Variants in MEGF10 observed in about 807,000 individuals in gnomAD.
MEGF10 encodes the protein multiple epidermal growth factor-like domains protein 10.
In MEGF10, 86 loss-of-function variants were observed where a neutral mutation model predicts 147.5. The observed-to-expected ratio is 0.58, with a 90% confidence interval of 0.49 to 0.70. The LOEUF (loss-of-function observed/expected upper bound fraction) is 0.70, where lower values mean the gene tolerates loss of function less well. MEGF10 is among the 30% of genes least tolerant of loss of function. MEGF10 has a pLI of 0.00. For missense variants in MEGF10, 1,329 were observed against 1,487.3 expected (o/e 0.89, Z 1.75); for synonymous variants, 478 against 525.5 (o/e 0.91, Z 1.24).
chr5:127,434,605 A>G (rs1765494355), intron 14 of MEGF10, 82 bp from the exon 15 acceptor site: 4 of 1,439,452 alleles, frequency 2.8e-6, no homozygotes, highest in Non-Finnish European at 3.7e-6. Flanking sequence ...TTTAACCTCT[A>G]AAACTTTAAC....
intron 5 of MEGF10, among the ~76,000 whole-genome samples, chr5:127,374,463 T>C (rs1762953705): frequency 6.6e-6 from 1 of 152,196 alleles, no homozygotes; most frequent in Admixed American, 6.5e-5. Context: ...ACTCCTTTGG[T>C]TATCCAATTC....
chr5:127,407,351 G>A (rs1283363399), intron 8 of MEGF10, among the ~76,000 whole-genome samples: 2 of 152,120 alleles, frequency 1.3e-5, no homozygotes, highest in Non-Finnish European at 2.9e-5. Context: ...GGGTGAAAGC[G>A]GTACCTGTCA....
intron 10 of MEGF10, 24 bp downstream of exon 10, chr5:127,417,836 AAGG>A: frequency 1.2e-6 from 2 of 1,610,378 alleles, no homozygotes; most frequent in African/African-American, 2.7e-5. Context: ...GCTCTGGAGG[AAGG>A]AGAAGAGGGG....
At chr5:127,375,632 C>G (rs924297118) in intron 5 of MEGF10, among the ~76,000 whole-genome samples, 15 of 152,196 alleles carry the variant, frequency 9.9e-5, no homozygotes, top group African/African-American at 2.4e-4. Flanking sequence ...TTCTTCCCTC[C>G]CCTCTTCCCT....
chr5:127,416,915 G>A (rs1764799230), intron 9 of MEGF10, among the ~76,000 whole-genome samples: 1 of 152,240 alleles, frequency 6.6e-6, no homozygotes, highest in African/African-American at 2.4e-5. Context: ...TATGACACAG[G>A]TGTTTGTTTT....
Position 127,410,483 on chromosome 5 carries a change from G to T in MEGF10, c.1012G>T (p.Ala338Ser), listed in dbSNP as rs568794084. ...AGGGAAGTGTTACCACGTGAGCGGCGCATGCCTCTGTGAAGCAGGCTTTGC... is the reference window on the plus strand; with the variant it reads ...AGGGAAGTGTTACCACGTGAGCGGCTCATGCCTCTGTGAAGCAGGCTTTGC... ...NGGKCYHVSG[A>S]CLCEAGFAGE... The change falls in exon 9 of 25, where the codon GCA (alanine) becomes TCA (serine). Residue 338 changes from alanine to serine, a missense_variant. Transcript: ENST00000503335. The T allele has an allele frequency of 6.2e-7, 1 of 1,614,148 alleles. No individual in the cohort carries two copies. The highest frequency in any genetic ancestry group is 1.7e-5 in the Admixed American group (1 of 60,032).
chr5:127,396,591 G>T lies in MEGF10; in HGVS notation c.472G>T (p.Ala158Ser), dbSNP rs1287636458. Residue 158 changes from alanine (A) to serine (S), a missense_variant, in exon 6 of 25, where the codon GCT becomes TCT. Physicochemically the swap from Ala to Ser is moderately conservative, Grantham distance 99. Around this residue, in one of 3 missense-constraint regions of MEGF10, gnomAD observed 980 missense variants for 1,085.9 expected, o/e 0.90. Coordinates refer to ENST00000503335, the MANE Select transcript of MEGF10 (RefSeq NM_001256545.2). ...CTSRCQCKNG[A>S]LCNPITGACH... ...CAGCCGGTGCCAGTGCAAAAATGGG[G>T]CTCTGTGCAACCCCATCACCGGGGC... The T allele has an allele frequency of 6.2e-7, 1 of 1,605,684 alleles. No homozygotes were observed. Among genetic ancestry groups the T allele is most frequent in the African/African-American group, 1.3e-5 (1 of 74,752 alleles).
the MEGF10 span, among the ~76,000 whole-genome samples, chr5:127,263,541 TAG>T: frequency 6.6e-6 from 1 of 152,092 alleles, no homozygotes; most frequent in Non-Finnish European, 1.5e-5. Flanking sequence ...GGGAAAAAAA[TAG>T]TGGAAAGTAA....
intron 9 of MEGF10, among the ~76,000 whole-genome samples, chr5:127,416,823 C>T (rs80034269): frequency 0.018 from 2,801 of 152,228 alleles, 55 homozygotes; most frequent in South Asian, 0.078. Context: ...CAGTCTTCAT[C>T]CCTCCCAGGT....
At chr5:127,260,090 G>C in the MEGF10 span, among the ~76,000 whole-genome samples, 7,110 of 152,182 alleles carry the variant, frequency 0.047, 274 homozygotes, top group African/African-American at 0.1. Flanking sequence ...CTGGGAGGCA[G>C]AGGTTGCAGT....
At chr5:127,402,751 G>A (rs1764182091) in intron 8 of MEGF10, 69 bp downstream of exon 8, 2 of 1,551,108 alleles carry the variant, frequency 1.3e-6, no homozygotes, top group Admixed American at 1.8e-5. Flanking sequence ...AGGGTCCGGG[G>A]AGCATCTTCA....
At chr5:127,335,652 A>C (rs1311904014) in intron 2 of MEGF10, among the ~76,000 whole-genome samples, 1 of 152,168 alleles carries the variant, frequency 6.6e-6, no homozygotes, top group Admixed American at 6.6e-5. Flanking sequence ...CTATGTACTA[A>C]CATGGGAAAA....
At position 127,415,896 on chromosome 5, in the gene MEGF10, C is replaced by CAA. The variant is rs1156648076; in HGVS notation, c.1131-1722_1131-1721dup. On this transcript the variant is annotated intron_variant, in intron 9 of 24. Transcript: ENST00000503335. Reference sequence around the variant, plus strand: ...TGGGCGACAGAGAAAGACTCCATCTCAAAAAAAAAAAAAAAAAAAAAGAAT... The same window carrying CAA: ...TGGGCGACAGAGAAAGACTCCATCTCAAAAAAAAAAAAAAAAAAAAAAAGAAT... Among the ~76,000 whole-genome samples the CAA allele has an allele frequency of 5.3e-3, 292 of 55,370 alleles. 1 individual carries two copies. In the Middle Eastern group the frequency reaches 0.061, roughly 11 times the overall value. The allele number at this position is 55,370 out of a possible 152,430, so 36.3% of individuals were successfully genotyped here.
At chr5:127,443,639 G>A (rs1274832813) in intron 19 of MEGF10, among the ~76,000 whole-genome samples, 2 of 152,030 alleles carry the variant, frequency 1.3e-5, no homozygotes, top group Non-Finnish European at 2.9e-5. Context: ...TTTTCTGTCA[G>A]TATAGATTAG....
intron 8 of MEGF10, among the ~76,000 whole-genome samples, chr5:127,403,784 T>C (rs1342164677): frequency 6.6e-6 from 1 of 152,238 alleles, no homozygotes; most frequent in East Asian, 1.9e-4. Context: ...TCATTCTTTT[T>C]ATGGCTGAAT....
chr5:127,325,909 ATT>A (rs201136774), intron 1 of MEGF10, among the ~76,000 whole-genome samples: 1,757 of 105,006 alleles, frequency 0.017, 50 homozygotes, highest in East Asian at 0.12. Flanking sequence ...ATATATATAT[ATT>A]TTTTTTTTTT....
chr5:127,294,430 T>C (rs919073236), intron 1 of MEGF10, among the ~76,000 whole-genome samples: 1 of 152,146 alleles, frequency 6.6e-6, no homozygotes, highest in Non-Finnish European at 1.5e-5. Context: ...TGGGACAGTA[T>C]TGTATACATA....
chr5:127,331,761 G>A (rs1219472340), intron 2 of MEGF10, among the ~76,000 whole-genome samples: 3 of 152,084 alleles, frequency 2.0e-5, no homozygotes, highest in Non-Finnish European at 4.4e-5. Flanking sequence ...TTATGCATGG[G>A]AACCCATGAG....
chr5:127,384,175 T>A (rs1763349607), intron 5 of MEGF10, among the ~76,000 whole-genome samples: 1 of 152,242 alleles, frequency 6.6e-6, no homozygotes, highest in African/African-American at 2.4e-5. Flanking sequence ...CACATTCTTT[T>A]GTGATAAATC....
Sources: allele counts gnomAD v4.1 joint callset (sites outside exome capture counted in the v4.1 genomes callset), GRCh38; gene constraint gnomAD v4.1.1; regional missense constraint gnomAD v4.1.1; transcripts MANE v1.5; gene names NCBI Gene and HGNC (gene_info 2026-07-23, HGNC 2026-07-21).